Variants in ESRRB observed in about 807,000 individuals in gnomAD.
ESRRB encodes the protein steroid hormone receptor ERR2.
In ESRRB, 16 loss-of-function variants were observed where a neutral mutation model predicts 46.0. The ratio of observed to expected loss-of-function variants is 0.35; its 90% confidence interval spans 0.24 to 0.53. ESRRB has a LOEUF of 0.53. Ranked by LOEUF, ESRRB falls within the 20% of genes least tolerant of loss-of-function variation. The pLI is 0.93. For synonymous variants in ESRRB, 246 were observed against 259.6 expected (o/e 0.95, Z 0.50); for missense variants, 488 against 607.4 (o/e 0.80, Z 2.07).
upstream of ESRRB, among the ~76,000 whole-genome samples, chr14:76,372,179 G>A (rs577799522): frequency 7.9e-5 from 12 of 152,266 alleles, no homozygotes; most frequent in South Asian, 1.2e-3. Context: ...GGGAAAGGGC[G>A]GGTGGTTAGT....
At chr14:76,430,870 G>T (rs733486) in intron 1 of ESRRB, among the ~76,000 whole-genome samples, 10,069 of 152,292 alleles carry the variant, frequency 0.066, 489 homozygotes, top group East Asian at 0.18. Flanking sequence ...ATTCTTGGGT[G>T]TGGTGGGTAG....
chr14:76,352,011 C>CAAAAAAAAAAAAAAAAAAA (rs1884319857), intron 1 of ESRRB, among the ~76,000 whole-genome samples: 35 of 109,032 alleles, frequency 3.2e-4, no homozygotes, highest in East Asian at 7.2e-4. Flanking sequence ...AAAAAAAAAG[C>CAAAAAAAAAAAAAAAAAAA]AAACTCCAAG....
chr14:76,348,376 A>C (rs1884274043), intron 1 of ESRRB, among the ~76,000 whole-genome samples: 1 of 152,174 alleles, frequency 6.6e-6, no homozygotes, highest in East Asian at 1.9e-4. Context: ...TTCCAACGTG[A>C]ATATTGTTTC....
chr14:76,410,020 T>C (rs915202536), intron 1 of ESRRB, among the ~76,000 whole-genome samples: 2 of 152,100 alleles, frequency 1.3e-5, no homozygotes, highest in Non-Finnish European at 2.9e-5. Flanking sequence ...GGTCAGGAGT[T>C]TGAGACCACC....
intron 2 of ESRRB, among the ~76,000 whole-genome samples, chr14:76,454,332 A>G (rs1595134626): frequency 6.6e-6 from 1 of 152,354 alleles, no homozygotes; most frequent in East Asian, 1.9e-4. Context: ...TACAGAAATG[A>G]AAAACATAAT....
At chr14:76,492,678 C>T (rs1890275843) in intron 6 of ESRRB, among the ~76,000 whole-genome samples, 1 of 152,208 alleles carries the variant, frequency 6.6e-6, no homozygotes, top group Admixed American at 6.5e-5. Flanking sequence ...TATACCCACT[C>T]CTTGAATCTT....
intron 1 of ESRRB, among the ~76,000 whole-genome samples, chr14:76,387,264 C>G (rs1885270090): frequency 6.6e-6 from 1 of 152,200 alleles, no homozygotes; most frequent in South Asian, 2.1e-4. Flanking sequence ...ACAGCACAGT[C>G]GCACAGCCTT....
At chr14:76,416,798 T>G (rs1886724784) in intron 1 of ESRRB, among the ~76,000 whole-genome samples, 1 of 152,180 alleles carries the variant, frequency 6.6e-6, no homozygotes, top group Non-Finnish European at 1.5e-5. Context: ...TTGACTCATA[T>G]ATTTACCGAG....
chr14:76,450,355 G>A (rs1888335586), intron 2 of ESRRB, among the ~76,000 whole-genome samples: 1 of 152,126 alleles, frequency 6.6e-6, no homozygotes, highest in African/African-American at 2.4e-5. Context: ...CAAAGTCTAG[G>A]GGCCATGGTG....
At chr14:76,448,973 CTT>C (rs1888267783) in intron 2 of ESRRB, among the ~76,000 whole-genome samples, 2 of 152,124 alleles carry the variant, frequency 1.3e-5, no homozygotes, top group Admixed American at 6.5e-5. Flanking sequence ...ATACAAATGT[CTT>C]TGTTTTCCTT....
intron 1 of ESRRB, among the ~76,000 whole-genome samples, chr14:76,437,334 G>A (rs1016102560): frequency 1.3e-5 from 2 of 152,112 alleles, no homozygotes; most frequent in African/African-American, 4.8e-5. Flanking sequence ...GCCCAGCCAG[G>A]AGGGCTTAAT....
intron 1 of ESRRB, among the ~76,000 whole-genome samples, chr14:76,355,012 G>T (rs1448351658): frequency 6.6e-6 from 1 of 152,104 alleles, no homozygotes; most frequent in African/African-American, 2.4e-5. Flanking sequence ...TGCCCGGCCG[G>T]TCCTGGGCTT....
intron 3 of ESRRB, among the ~76,000 whole-genome samples, chr14:76,480,325 G>T (rs1163247858): frequency 6.6e-6 from 1 of 152,202 alleles, no homozygotes; most frequent in Non-Finnish European, 1.5e-5. Context: ...TGAACTCACA[G>T]CATCCTTGCC....
At chr14:76,420,697 T>TA (rs1886918700) in intron 1 of ESRRB, among the ~76,000 whole-genome samples, 1 of 151,734 alleles carries the variant, frequency 6.6e-6, no homozygotes, top group South Asian at 2.1e-4. Flanking sequence ...GGCCAAAAAT[T>TA]ACCTTCAATT....
chr14:76,498,623 T>C lies in ESRRB; in HGVS notation c.*165T>C. 2.3e-6 allele frequency: 2 copies of C among 858,340 alleles called. No individual in the cohort carries two copies. Among genetic ancestry groups the C allele is most frequent in the Non-Finnish European group, 3.1e-6 (2 of 635,328 alleles). 53.2% of individuals were successfully genotyped at this position (858,340 alleles called of 1,614,324 possible). A position where few individuals can be genotyped will look rare whatever the true frequency, so the allele number is the denominator to read the frequency against. ...TCCTGGCTGTGTGCAGACTCCCGGG[T>C]GCAGTGGGGTGGGGGACGGGGATGG... On this transcript the variant is annotated 3_prime_UTR_variant, in exon 7 of 7. Coordinates refer to ENST00000644823, the MANE Select transcript of ESRRB (RefSeq NM_001379180.1).
intron 2 of ESRRB, among the ~76,000 whole-genome samples, chr14:76,458,372 A>T (rs944369518): frequency 3.9e-5 from 6 of 152,090 alleles, no homozygotes; most frequent in East Asian, 1.9e-4. Context: ...CGCTGGGGCC[A>T]TAAAATAAAT....
At chr14:76,390,978 G>A (rs1885445212) in intron 1 of ESRRB, among the ~76,000 whole-genome samples, 1 of 152,212 alleles carries the variant, frequency 6.6e-6, no homozygotes, top group Non-Finnish European at 1.5e-5. Flanking sequence ...GCTGCAGCGG[G>A]GCCCCAGGAC....
chr14:76,499,528 C>G lies in ESRRB; in HGVS notation c.*1070C>G, dbSNP rs1890578932. 1 of 420,422 alleles carries G rather than the reference C, an allele frequency of 2.4e-6. No individual in the cohort carries two copies. The highest frequency in any genetic ancestry group is 2.2e-5 in the South Asian group (1 of 46,014). The allele number at this position is 420,422 out of a possible 1,614,324, so 26.0% of individuals were successfully genotyped here. On this transcript the variant is annotated 3_prime_UTR_variant, in exon 7 of 7. Transcript: ENST00000644823. ...ACTCAGCGGGGTGGCCTGCCTCATC[C>G]TTCCTGGCTTCCCTTCCCTGCACTC...
intron 3 of ESRRB, among the ~76,000 whole-genome samples, chr14:76,465,231 G>A (rs1209549116): frequency 6.6e-6 from 1 of 152,126 alleles, no homozygotes; most frequent in Non-Finnish European, 1.5e-5. Context: ...CCCAGAGGCT[G>A]GAACTTTCCT....
Sources: allele counts gnomAD v4.1 joint callset (sites outside exome capture counted in the v4.1 genomes callset), GRCh38; gene constraint gnomAD v4.1.1; transcripts MANE v1.5; gene names NCBI Gene and HGNC (gene_info 2026-07-23, HGNC 2026-07-21).